BMPR1A: variants seen among roughly 807,000 people sequenced by gnomAD.
BMPR1A encodes the protein bone morphogenetic protein receptor type 1A.
Under a neutral mutation model 66.0 loss-of-function variants are expected in BMPR1A, and 7 were observed. That is an observed-to-expected ratio of 0.11 (90% confidence interval 0.06 to 0.20). BMPR1A has a LOEUF of 0.20. Ranked by LOEUF, BMPR1A falls within the 10% of genes least tolerant of loss-of-function variation. The probability of loss-of-function intolerance (pLI) is 1.00; values close to 1 mark genes in which losing one functional copy is unlikely to be tolerated. For missense variants in BMPR1A, 408 were observed against 669.1 expected (o/e 0.61, Z 4.31); for synonymous variants, 200 against 229.7 (o/e 0.87, Z 1.17).
At chr10:86,820,299 T>G (rs1842103699) in intron 1 of BMPR1A, among the ~76,000 whole-genome samples, 1 of 152,116 alleles carries the variant, frequency 6.6e-6, no homozygotes, top group Non-Finnish European at 1.5e-5. Flanking sequence ...TGCCTTGGCC[T>G]CCCAAAGTGT....
intron 3 of BMPR1A, among the ~76,000 whole-genome samples, chr10:86,882,316 G>C (rs1843000803): frequency 6.6e-6 from 1 of 152,014 alleles, no homozygotes; most frequent in East Asian, 1.9e-4. Flanking sequence ...ACAGCTACTC[G>C]GGAGGCTGAG....
intron 1 of BMPR1A, among the ~76,000 whole-genome samples, chr10:86,823,628 T>C (rs1842152765): frequency 6.6e-6 from 1 of 152,210 alleles, no homozygotes; most frequent in African/African-American, 2.4e-5. Context: ...AGAACTAAAA[T>C]GAGCAGTTGT....
intron 7 of BMPR1A, among the ~76,000 whole-genome samples, chr10:86,901,200 A>G (rs1378007445): frequency 1.3e-5 from 2 of 152,306 alleles, no homozygotes; most frequent in East Asian, 1.9e-4. Context: ...AGTGACTGCA[A>G]GCTCCTGTCA....
chr10:86,869,733 G>A (rs1842830569), intron 2 of BMPR1A, among the ~76,000 whole-genome samples: 1 of 151,864 alleles, frequency 6.6e-6, no homozygotes, highest in South Asian at 2.1e-4. Flanking sequence ...CTGCAGCCTG[G>A]GCAACAAGAG....
At chr10:86,786,092 T>G (rs1334292288) in intron 1 of BMPR1A, among the ~76,000 whole-genome samples, 1 of 152,226 alleles carries the variant, frequency 6.6e-6, no homozygotes, top group Non-Finnish European at 1.5e-5. Context: ...TGCCTGTGTC[T>G]GTGCTTCATG....
At chr10:86,763,130 G>A (rs1408189645) in intron 1 of BMPR1A, among the ~76,000 whole-genome samples, 2 of 151,942 alleles carry the variant, frequency 1.3e-5, no homozygotes, top group Non-Finnish European at 1.5e-5. Flanking sequence ...TCCTGACCTC[G>A]TGATCCGCCC....
intron 2 of BMPR1A, among the ~76,000 whole-genome samples, chr10:86,856,992 T>C (rs1042158656): frequency 1.3e-5 from 2 of 152,232 alleles, no homozygotes; most frequent in Non-Finnish European, 2.9e-5. Flanking sequence ...GGAGCTTCTG[T>C]GCTCTCTTCT....
chr10:86,767,905 C>G (rs1018104116), intron 1 of BMPR1A, among the ~76,000 whole-genome samples: 3 of 152,246 alleles, frequency 2.0e-5, no homozygotes, highest in Admixed American at 2.0e-4. Context: ...ATAAACTATC[C>G]TATGTCCAAC....
intron 1 of BMPR1A, among the ~76,000 whole-genome samples, chr10:86,817,454 T>C (rs1842050999): frequency 1.3e-5 from 2 of 152,260 alleles, no homozygotes; most frequent in South Asian, 4.1e-4. Context: ...AATACTCCAT[T>C]GTATGCATAT....
chr10:86,810,959 C>T (rs976106019), intron 1 of BMPR1A, among the ~76,000 whole-genome samples: 1 of 152,082 alleles, frequency 6.6e-6, no homozygotes. Flanking sequence ...GTTGGTCGGG[C>T]GGGTCTTAAA....
chr10:86,815,679 G>T (rs181065441), intron 1 of BMPR1A, among the ~76,000 whole-genome samples: 1 of 152,158 alleles, frequency 6.6e-6, no homozygotes, highest in Non-Finnish European at 1.5e-5. Context: ...ATGAAATAGC[G>T]ATACCCTGGA....
At chr10:86,826,347 A>G (rs11202211) in intron 1 of BMPR1A, among the ~76,000 whole-genome samples, 217 of 151,996 alleles carry the variant, frequency 1.4e-3, no homozygotes, top group Non-Finnish European at 2.7e-3. Flanking sequence ...ACCAAGGGAA[A>G]AAATATATCT....
chr10:86,911,079 C>T (rs1336322969), intron 7 of BMPR1A, among the ~76,000 whole-genome samples: 2 of 145,708 alleles, frequency 1.4e-5, no homozygotes, highest in Non-Finnish European at 3.0e-5. Context: ...CACTTAAGCC[C>T]AGGAGGTTGA....
At chr10:86,772,967 G>A (rs897247826) in intron 1 of BMPR1A, among the ~76,000 whole-genome samples, 1 of 152,002 alleles carries the variant, frequency 6.6e-6, no homozygotes, top group South Asian at 2.1e-4. Context: ...ATTCTACAAT[G>A]TTTCTACTGT....
chr10:86,868,567 C>T (rs372040687), intron 2 of BMPR1A, among the ~76,000 whole-genome samples: 13 of 152,352 alleles, frequency 8.5e-5, no homozygotes, highest in East Asian at 3.9e-4. Context: ...TTGTCAGACC[C>T]GGCGCCTGGA....
chr10:86,796,856 A>G (rs896976604), intron 1 of BMPR1A, among the ~76,000 whole-genome samples: 1 of 151,896 alleles, frequency 6.6e-6, no homozygotes, highest in South Asian at 2.1e-4. Flanking sequence ...GGTACAGCCA[A>G]TAAAAGTTTG....
chr10:86,811,464 C>T (rs1212817877), intron 1 of BMPR1A, among the ~76,000 whole-genome samples: 1 of 152,128 alleles, frequency 6.6e-6, no homozygotes. Flanking sequence ...CCCCTTCCTG[C>T]CTCTCATTTA....
chr10:86,766,285 C>T (rs756492724), intron 1 of BMPR1A, among the ~76,000 whole-genome samples: 23 of 152,114 alleles, frequency 1.5e-4, no homozygotes, highest in Non-Finnish European at 2.9e-4. Context: ...AGGTGTTGTG[C>T]GCAGCCTTAA....
At chr10:86,853,594 TCC>T (rs957668072) in intron 2 of BMPR1A, among the ~76,000 whole-genome samples, 9 of 146,020 alleles carry the variant, frequency 6.2e-5, no homozygotes, top group African/African-American at 2.2e-4. Flanking sequence ...TTTTCTATTT[TCC>T]GTAAGTGTTG....
Sources: allele counts gnomAD v4.1 joint callset (sites outside exome capture counted in the v4.1 genomes callset), GRCh38; gene constraint gnomAD v4.1.1; transcripts MANE v1.5; gene names NCBI Gene and HGNC (gene_info 2026-07-23, HGNC 2026-07-21).